Variants in MTCL1 observed in about 807,000 individuals in gnomAD.
The protein encoded by MTCL1 is microtubule crosslinking factor 1.
In MTCL1, 79 loss-of-function variants were observed where a neutral mutation model predicts 141.4. That is an observed-to-expected ratio of 0.56 (90% CI 0.47 to 0.67). The LOEUF is 0.67. Ranked by LOEUF, MTCL1 falls within the 30% of genes least tolerant of loss-of-function variation. The pLI, the probability that MTCL1 is intolerant of heterozygous loss-of-function variation, is 0.00. For synonymous variants in MTCL1, 914 were observed against 875.8 expected (o/e 1.04, Z -0.77); for missense variants, 2,177 against 2,113.9 (o/e 1.03, Z -0.59).
chr18:8,756,189 C>G (rs911435482), intron 4 of MTCL1, among the ~76,000 whole-genome samples: 1 of 152,148 alleles, frequency 6.6e-6, no homozygotes, highest in South Asian at 2.1e-4. Flanking sequence ...ACTGGGGTCT[C>G]TCTTGTAGGT....
chr18:8,783,501 C>G (rs1360689441), intron 5 of MTCL1, 29 bp from the exon 5 acceptor site: 12 of 1,540,502 alleles, frequency 7.8e-6, no homozygotes, highest in East Asian at 6.9e-5. Context: ...TTCAAATAAC[C>G]CTTCTCCCGG....
intron 12 of MTCL1, among the ~76,000 whole-genome samples, chr18:8,817,069 G>A (rs1360072009): frequency 6.6e-6 from 1 of 152,116 alleles, no homozygotes; most frequent in Non-Finnish European, 1.5e-5. Context: ...GTTAGAAGGT[G>A]CTTGTTCATA....
chr18:8,739,404 G>C lies in MTCL1; in HGVS notation c.357+18908G>C, dbSNP rs150455354. On this transcript the variant is annotated intron_variant, in intron 4 of 16. Transcript: ENST00000359865. ...CGGTGGAAGAGAAGCAATACAGAAA[G>C]GTTTTCTGCTAGAATATGAATGCGC... is the stretch of plus-strand genomic sequence containing the variant. Among the ~76,000 whole-genome samples the C allele has an allele frequency of 3.3e-5, 5 of 152,282 alleles. No individual in the cohort carries two copies. The East Asian group carries it at 9.7e-4, about 29-fold the overall frequency.
intron 16 of MTCL1, chr18:8,829,202 C>T: frequency 5.1e-6 from 5 of 985,454 alleles, no homozygotes; most frequent in Non-Finnish European, 6.0e-6. Flanking sequence ...TATAGAGATT[C>T]TGCTGAGATT....
chr18:8,806,766 C>T, intron 10 of MTCL1, 127 bp from the exon 10 acceptor site: 1 of 836,202 alleles, frequency 1.2e-6, no homozygotes, highest in Non-Finnish European at 1.8e-6. Context: ...CCCACCCACC[C>T]TGCACCCACT....
exon 6 of MTCL1, chr18:8,783,832 G>A (rs771327068): frequency 1.2e-6 from 2 of 1,613,222 alleles, no homozygotes; most frequent in East Asian, 2.2e-5. Flanking sequence ...CAGAGATGGA[G>A]GACATGCGGG....
chr18:8,765,619 G>A (rs1463996092), intron 4 of MTCL1, among the ~76,000 whole-genome samples: 1 of 152,214 alleles, frequency 6.6e-6, no homozygotes, highest in African/African-American at 2.4e-5. Context: ...GCCAACAGGA[G>A]GGTGCTGCAG....
chr18:8,725,084 A>G (rs2096199436), intron 4 of MTCL1, among the ~76,000 whole-genome samples: 2 of 151,954 alleles, frequency 1.3e-5, no homozygotes, highest in South Asian at 2.1e-4. Context: ...AGATAGCCCT[A>G]ATTCTTTCAC....
exon 6 of MTCL1, chr18:8,784,782 C>G (rs2096545388): frequency 1.2e-6 from 2 of 1,613,264 alleles, no homozygotes; most frequent in Non-Finnish European, 1.7e-6. Context: ...TCCACTGTGA[C>G]TTCCGTGTCC....
intron 4 of MTCL1, among the ~76,000 whole-genome samples, chr18:8,746,196 G>A (rs1033467625): frequency 2.0e-5 from 3 of 152,188 alleles, no homozygotes; most frequent in African/African-American, 7.2e-5. Context: ...TGCTATGAAC[G>A]TGAGCATACA....
chr18:8,799,149 A>G (rs2076029635), intron 10 of MTCL1, among the ~76,000 whole-genome samples: 1 of 152,214 alleles, frequency 6.6e-6, no homozygotes, highest in Non-Finnish European at 1.5e-5. Context: ...CCTCTCAGCC[A>G]CAGACACTCT....
At chr18:8,746,510 G>C (rs1049615020) in intron 4 of MTCL1, among the ~76,000 whole-genome samples, 1 of 152,156 alleles carries the variant, frequency 6.6e-6, no homozygotes, top group Non-Finnish European at 1.5e-5. Context: ...TGTGGAGAGG[G>C]GGAATCCCAT....
intron 10 of MTCL1, among the ~76,000 whole-genome samples, chr18:8,799,087 C>T (rs528235406): frequency 1.3e-5 from 2 of 152,262 alleles, no homozygotes; most frequent in South Asian, 2.1e-4. Context: ...GGGCTGAGGG[C>T]GCAGGGGCAG....
rs2077172529 is a variant in MTCL1 at position 8,830,852 on chromosome 18, T to C, written c.*19-755T>C. The C allele has an allele frequency of 5.1e-6, 5 of 985,316 alleles. No individual in the cohort carries two copies. Among genetic ancestry groups the C allele is most frequent in the East Asian group, 1.1e-4 (1 of 8,834 alleles). 61.0% of individuals were successfully genotyped at this position (985,316 alleles called of 1,614,324 possible). Reference sequence around the variant, plus strand: ...CAACATTCTTTAAAAACAAAGTAGCTTGAGAATAAGGATTCTAGGTGATTT... The same window carrying C: ...CAACATTCTTTAAAAACAAAGTAGCCTGAGAATAAGGATTCTAGGTGATTT... On this transcript the variant is annotated intron_variant, in intron 16 of 16. Transcript: ENST00000359865. This position sits in a 1 kb window ranked among gnomAD's most constrained non-coding sequence, Gnocchi z 6.4.
chr18:8,793,507 A>G (rs1379043879), intron 8 of MTCL1, among the ~76,000 whole-genome samples: 2 of 152,050 alleles, frequency 1.3e-5, no homozygotes, highest in African/African-American at 4.8e-5. Flanking sequence ...CTCACCCTAA[A>G]CCATTGCCTT....
At chr18:8,799,806 T>C (rs987533578) in intron 10 of MTCL1, among the ~76,000 whole-genome samples, 1 of 152,154 alleles carries the variant, frequency 6.6e-6, no homozygotes, top group African/African-American at 2.4e-5. Context: ...TCATAGAAAA[T>C]GTTACTGTCA....
At position 8,753,900 on chromosome 18, in the gene MTCL1, G is replaced by A. The variant is rs1172746977; in HGVS notation, c.358-23933G>A. On this transcript the variant is annotated intron_variant, in intron 4 of 16. Transcript: ENST00000359865. ...AATGATACTGTAGGTAAAAATCTGA[G>A]AGGACTGTTACAATTTGTGACTGTT... Among the ~76,000 whole-genome samples, 5 of 152,108 alleles carry A rather than the reference G, an allele frequency of 3.3e-5. No individual in the cohort carries two copies. In the South Asian group the frequency reaches 1.0e-3, roughly 32 times the overall value.
Position 8,828,803 on chromosome 18 carries a change from C to G in MTCL1, c.4723-105C>G. On this transcript the variant is annotated intron_variant, in intron 15 of 16. Coordinates refer to ENST00000359865, the Ensembl canonical transcript of MTCL1. This position sits in a 1 kb window ranked among gnomAD's most constrained non-coding sequence, Gnocchi z 5.2. ...CTACCCCTGAGCGAGAGGGATGGTC[C>G]TCTACCTCCGGGCTTGCTGACTTTA... The G allele has an allele frequency of 6.4e-7, 1 of 1,567,920 alleles. No individual in the cohort carries two copies. Among genetic ancestry groups the G allele is most frequent in the Admixed American group, 1.8e-5 (1 of 54,904 alleles).
chr18:8,809,477 TGAG>T (rs2076407384), intron 11 of MTCL1: 19 of 1,535,666 alleles, frequency 1.2e-5, no homozygotes, highest in Non-Finnish European at 1.7e-5. Context: ...GAATTAACAT[TGAG>T]GAGGAGACTT....
Sources: gnomAD v4.1 joint callset for allele counts (sites outside exome capture counted in the v4.1 genomes callset) on GRCh38, gnomAD v4.1.1 for gene constraint, Gnocchi (gnomAD v3.1) non-coding constraint, MANE v1.5 for transcripts, NCBI Gene and HGNC (gene_info 2026-07-23, HGNC 2026-07-21) for gene names.